Variants in TCF20 observed in about 807,000 individuals in gnomAD.
TCF20 encodes transcription factor 20.
In TCF20, 3 loss-of-function variants were observed where a neutral mutation model predicts 148.6. That is an observed-to-expected ratio of 0.02 (90% CI 0.01 to 0.05). TCF20 has a LOEUF of 0.05. Among genes scored for constraint, TCF20 ranks in the 10% least tolerant of loss-of-function variants. The pLI is 1.00. For synonymous variants in TCF20, 1,049 were observed against 909.5 expected (o/e 1.15, Z -2.76); for missense variants, 2,350 against 2,429.3 (o/e 0.97, Z 0.69).
intron 1 of TCF20, among the ~76,000 whole-genome samples, chr22:42,289,531 A>G (rs134904): frequency 0.75 from 113,667 of 152,138 alleles, 42,865 homozygotes; most frequent in African/African-American, 0.82. Context: ...TGAGATGGCA[A>G]GGTAGGAATG....
chr22:42,326,235 G>T (rs557660332), intron 1 of TCF20, among the ~76,000 whole-genome samples: 36 of 152,248 alleles, frequency 2.4e-4, no homozygotes, highest in African/African-American at 8.4e-4. Context: ...CCAAGTGCCC[G>T]TGAGATCACC....
At position 42,161,315 on chromosome 22, in the gene TCF20, T is replaced by G. The variant is rs749290587; in HGVS notation, c.*88A>C. ...TGGCTGCACGGTAGGACGATTTCCATTCCATCACGAGTGTCCACCACCTTC... is the reference window on the plus strand; with the variant it reads ...TGGCTGCACGGTAGGACGATTTCCAGTCCATCACGAGTGTCCACCACCTTC... On this transcript the variant is annotated 3_prime_UTR_variant, in exon 6 of 6. Coordinates refer to ENST00000677622, the MANE Select transcript of TCF20 (RefSeq NM_001378418.1). The G allele has an allele frequency of 1.9e-5, 30 of 1,613,738 alleles. No individual in the cohort carries two copies. The highest frequency in any genetic ancestry group is 1.9e-5 in the Non-Finnish European group (23 of 1,179,962).
chr22:42,160,739 T>TC lies in TCF20; in HGVS notation c.*663dup, dbSNP rs1476964064. On this transcript the variant is annotated 3_prime_UTR_variant, in exon 6 of 6. Transcript: ENST00000677622. Reference sequence around the variant, plus strand: ...CCCCTACTCTTGAAAACATGGACCATCCCTGTATTTCCCCCTCCCCCAAAA... The same window carrying TC: ...CCCCTACTCTTGAAAACATGGACCATCCCCTGTATTTCCCCCTCCCCCAAAA... 6.6e-6 allele frequency: 1 copy of TC among 152,080 alleles called. No homozygotes were observed. Among genetic ancestry groups the TC allele is most frequent in the East Asian group, 1.9e-4 (1 of 5,192 alleles). The allele number at this position is 152,080 out of a possible 1,614,324, so 9.4% of individuals were successfully genotyped here.
intron 1 of TCF20, among the ~76,000 whole-genome samples, chr22:42,249,179 G>T (rs1925160233): frequency 6.6e-6 from 1 of 152,176 alleles, no homozygotes; most frequent in African/African-American, 2.4e-5. Context: ...GAATTCTGAG[G>T]CTTTTTGACC....
At chr22:42,197,297 C>G (rs1264012081) in intron 2 of TCF20, among the ~76,000 whole-genome samples, 1 of 151,404 alleles carries the variant, frequency 6.6e-6, no homozygotes, top group Non-Finnish European at 1.5e-5. Context: ...AGTCCTCTAT[C>G]ATCATCTAAT....
chr22:42,214,042 G>C lies in TCF20; in HGVS notation c.1264C>G (p.Pro422Ala). The C allele has an allele frequency of 6.2e-7, 1 of 1,614,162 alleles. No homozygotes were observed. Among genetic ancestry groups the C allele is most frequent in the Non-Finnish European group, 8.5e-7 (1 of 1,180,042 alleles). The change falls in exon 2 of 6, where the codon CCA becomes GCA. Residue 422 changes from proline to alanine, a missense_variant. This residue lies in a region of TCF20 where 1,641 missense variants were observed against 1,662.6 expected (regional missense o/e 0.99). Coordinates refer to ENST00000677622, the MANE Select transcript of TCF20 (RefSeq NM_001378418.1). ...GAATTAGGACTGGGCATCATTGATG[G>C]GGTTGGACTGAGTTGAGGCATTAAC... is the stretch of plus-strand genomic sequence containing the variant. ...LQLMPQLSPT[P>A]SMMPSPNSHA...
At chr22:42,307,889 G>C (rs1037905284) in intron 1 of TCF20, among the ~76,000 whole-genome samples, 1 of 152,174 alleles carries the variant, frequency 6.6e-6, no homozygotes, top group Admixed American at 6.5e-5. Context: ...GGCCTCCTGT[G>C]GTATCCTTCG....
intron 1 of TCF20, among the ~76,000 whole-genome samples, chr22:42,266,276 T>A (rs137983739): frequency 1.3e-5 from 2 of 152,098 alleles, no homozygotes; most frequent in Admixed American, 6.5e-5. Flanking sequence ...AGGTCATCTA[T>A]CTCTAAGGTC....
At chr22:42,296,501 C>G (rs748432619) in intron 1 of TCF20, among the ~76,000 whole-genome samples, 2 of 152,262 alleles carry the variant, frequency 1.3e-5, no homozygotes, top group Admixed American at 1.3e-4. Context: ...CCTGGAGTCT[C>G]CTGGCCGGGA....
rs184130332 is a variant in TCF20 at position 42,232,599 on chromosome 22, G to A, written c.-36-17258C>T. On this transcript the variant is annotated intron_variant, in intron 1 of 5. Transcript: ENST00000677622. ...TCCCAGCACTTTGGGAGGTCGAGGC[G>A]GGCGGATCACGAGGTCAGGAGATCG... Among the ~76,000 whole-genome samples, 76 of 152,046 alleles carry A rather than the reference G, an allele frequency of 5.0e-4. 2 individuals are homozygous for A. Among genetic ancestry groups the A allele is most frequent in the Non-Finnish European group, 1.5e-4 (10 of 67,962 alleles).
intron 1 of TCF20, among the ~76,000 whole-genome samples, chr22:42,341,187 ACACT>A (rs1205556867): frequency 6.6e-6 from 1 of 151,908 alleles, no homozygotes; most frequent in African/African-American, 2.4e-5. Flanking sequence ...CCAGTCCCCC[ACACT>A]CACTCACACC....
chr22:42,197,056 C>T (rs928729581), intron 2 of TCF20, among the ~76,000 whole-genome samples: 3 of 152,208 alleles, frequency 2.0e-5, no homozygotes, highest in African/African-American at 7.2e-5. Context: ...ACGTGGACAG[C>T]ATCAGATAGG....
At chr22:42,337,696 C>T (rs372615278) in intron 1 of TCF20, among the ~76,000 whole-genome samples, 6 of 152,232 alleles carry the variant, frequency 3.9e-5, no homozygotes, top group African/African-American at 1.2e-4. Flanking sequence ...AAAAAGAGAA[C>T]ATGTTGATTT....
chr22:42,164,616 C>T (rs1410983885), intron 5 of TCF20, among the ~76,000 whole-genome samples: 2 of 152,194 alleles, frequency 1.3e-5, no homozygotes, highest in African/African-American at 2.4e-5. Context: ...CAAAGACAGA[C>T]GTGGTCCCTG....
At chr22:42,249,790 T>C (rs1925215399) in intron 1 of TCF20, among the ~76,000 whole-genome samples, 2 of 152,252 alleles carry the variant, frequency 1.3e-5, no homozygotes, top group Admixed American at 1.3e-4. Context: ...ATAGTGCCAA[T>C]TTGCTATGCT....
chr22:42,258,698 G>C (rs1925872382), intron 1 of TCF20, among the ~76,000 whole-genome samples: 1 of 152,164 alleles, frequency 6.6e-6, no homozygotes, highest in African/African-American at 2.4e-5. Flanking sequence ...TGAGCTTTGT[G>C]TTAGGTGATT....
rs78356795 is a variant in TCF20 at position 42,213,839 on chromosome 22, G to A, written c.1467C>T (p.Pro489=). The change falls in exon 2 of 6, where the codon CCC becomes CCT. Residue 489 remains proline (P), a synonymous_variant. Coordinates refer to ENST00000677622, the MANE Select transcript of TCF20 (RefSeq NM_001378418.1). ...AGCTATCTGCTTTCTTGGAAGATGAGGGCCTCTTGGAGGTCTTCTTCTGAG... is the reference window on the plus strand; with the variant it reads ...AGCTATCTGCTTTCTTGGAAGATGAAGGCCTCTTGGAGGTCTTCTTCTGAG... ...LTPQKKTSKR[P]SSSKKADSCT... is the part of the protein sequence containing the mutation. The A allele has an allele frequency of 0.011, 17,520 of 1,614,164 alleles. 129 individuals are homozygous for A. Among genetic ancestry groups the A allele is most frequent in the South Asian group, 0.013 (1,144 of 91,078 alleles).
chr22:42,229,039 G>GT (rs1280897238), intron 1 of TCF20, among the ~76,000 whole-genome samples: 1 of 152,206 alleles, frequency 6.6e-6, no homozygotes, highest in African/African-American at 2.4e-5. Flanking sequence ...AAAACCACTG[G>GT]TCTAGAGGCT....
chr22:42,178,562 C>T (rs1936580011), intron 3 of TCF20, among the ~76,000 whole-genome samples: 1 of 149,418 alleles, frequency 6.7e-6, no homozygotes, highest in Non-Finnish European at 1.5e-5. Context: ...TTGCAAACCA[C>T]ATATCCAGAA....
Sources: allele counts gnomAD v4.1 joint callset (sites outside exome capture counted in the v4.1 genomes callset), GRCh38; gene constraint gnomAD v4.1.1; regional missense constraint gnomAD v4.1.1; transcripts MANE v1.5; gene names NCBI Gene and HGNC (gene_info 2026-07-23, HGNC 2026-07-21).